Variants in FHIT observed in about 807,000 individuals in gnomAD.
FHIT encodes the protein fragile histidine triad diadenosine triphosphatase.
FHIT carries 19 observed loss-of-function variants against 17.9 expected under a neutral mutation model. The observed-to-expected ratio is 1.06, with a 90% CI of 0.74 to 1.56. FHIT has a LOEUF of 1.56. Ranked by LOEUF, FHIT falls within the 40% of genes most tolerant of loss-of-function variation. The probability of loss-of-function intolerance (pLI) is 0.00; values close to 1 mark genes in which losing one functional copy is unlikely to be tolerated. For missense variants in FHIT, 248 were observed against 189.2 expected (o/e 1.31, Z -1.82); for synonymous variants, 81 against 69.7 (o/e 1.16, Z -0.81).
intron 5 of FHIT, among the ~76,000 whole-genome samples, chr3:60,170,478 G>C (rs1701368948): frequency 6.6e-6 from 1 of 152,134 alleles, no homozygotes; most frequent in Non-Finnish European, 1.5e-5. Flanking sequence ...TAAATGTGAA[G>C]AAATCATTCT....
intron 5 of FHIT, among the ~76,000 whole-genome samples, chr3:60,386,550 G>A (rs1045310611): frequency 1.3e-5 from 2 of 152,092 alleles, no homozygotes; most frequent in African/African-American, 4.8e-5. Context: ...ATACCCAGAG[G>A]ACAAGGTTTG....
intron 5 of FHIT, among the ~76,000 whole-genome samples, chr3:60,223,331 A>T (rs1704047589): frequency 6.6e-6 from 1 of 152,196 alleles, no homozygotes; most frequent in African/African-American, 2.4e-5. Flanking sequence ...TCACATAGCT[A>T]GCAAAAGGCA....
At chr3:60,995,059 G>T (rs1016542839) in intron 3 of FHIT, among the ~76,000 whole-genome samples, 3 of 152,146 alleles carry the variant, frequency 2.0e-5, no homozygotes, top group African/African-American at 7.2e-5. Context: ...GGTGGCTCAC[G>T]CCTGTAATCC....
chr3:60,627,027 C>T (rs1351798385), intron 4 of FHIT, among the ~76,000 whole-genome samples: 2 of 151,952 alleles, frequency 1.3e-5, no homozygotes, highest in African/African-American at 4.8e-5. Context: ...AATGATCTTG[C>T]ATTTCTGGGA....
Position 60,595,797 on chromosome 3 carries a change from C to T in FHIT, c.-17-58818G>A, listed in dbSNP as rs571605297. ...TAGCTGTAACTACAGGCATGCACCG[C>T]CATGCCTGGCTAATTTTTTTTTAAG... On this transcript the variant is annotated intron_variant, in intron 4 of 9. Transcript: ENST00000492590. 1.1e-3 allele frequency among the ~76,000 whole-genome samples: 163 copies of T among 151,170 alleles called. 1 individual carries two copies. The highest frequency in any genetic ancestry group is 3.8e-3 in the African/African-American group (159 of 41,462).
At chr3:60,942,185 T>C (rs1286050126) in intron 3 of FHIT, among the ~76,000 whole-genome samples, 2 of 152,222 alleles carry the variant, frequency 1.3e-5, no homozygotes, top group African/African-American at 2.4e-5. Flanking sequence ...GGTTTCACCA[T>C]GTTGGCCAGG....
chr3:60,067,218 T>G (rs558003613), intron 5 of FHIT, among the ~76,000 whole-genome samples: 1 of 152,222 alleles, frequency 6.6e-6, no homozygotes, highest in South Asian at 2.1e-4. Context: ...AGGGGAAATA[T>G]CTAAAAAATG....
At chr3:60,926,965 C>T (rs539095865) in intron 3 of FHIT, among the ~76,000 whole-genome samples, 2 of 152,224 alleles carry the variant, frequency 1.3e-5, no homozygotes, top group South Asian at 2.1e-4. Context: ...CTCCCTCTCC[C>T]TCTCCCTTTC....
chr3:60,374,707 A>C (rs921781423), intron 5 of FHIT, among the ~76,000 whole-genome samples: 2 of 151,846 alleles, frequency 1.3e-5, no homozygotes, highest in Non-Finnish European at 2.9e-5. Flanking sequence ...TGATTTTAAA[A>C]CCTGTGCAGC....
chr3:60,149,786 C>T (rs558052968), intron 5 of FHIT, among the ~76,000 whole-genome samples: 1 of 151,432 alleles, frequency 6.6e-6, no homozygotes. Context: ...CCCCTACCCC[C>T]CTACCCCCCT....
chr3:60,606,222 C>T (rs1447082120), intron 4 of FHIT, among the ~76,000 whole-genome samples: 1 of 151,804 alleles, frequency 6.6e-6, no homozygotes, highest in Non-Finnish European at 1.5e-5. Context: ...TTCCTCAGTC[C>T]CTATTCCCTC....
intron 3 of FHIT, among the ~76,000 whole-genome samples, chr3:60,911,580 C>A (rs1316908728): frequency 6.6e-6 from 1 of 152,214 alleles, no homozygotes; most frequent in Non-Finnish European, 1.5e-5. Flanking sequence ...GTTGTGGCCC[C>A]ACCAAGCACT....
chr3:60,385,969 A>G (rs904096232), intron 5 of FHIT, among the ~76,000 whole-genome samples: 2 of 152,308 alleles, frequency 1.3e-5, no homozygotes, highest in South Asian at 4.1e-4. Context: ...AGGTGAAATA[A>G]TAGAAATAAC....
chr3:60,090,785 C>G (rs1703698739), intron 5 of FHIT, among the ~76,000 whole-genome samples: 1 of 152,152 alleles, frequency 6.6e-6, no homozygotes. Flanking sequence ...AAACATACAT[C>G]TAAGGAGACA....
At chr3:60,301,999 T>C (rs898313047) in intron 5 of FHIT, among the ~76,000 whole-genome samples, 2 of 152,186 alleles carry the variant, frequency 1.3e-5, no homozygotes, top group African/African-American at 4.8e-5. Flanking sequence ...AATACCCATA[T>C]TGACTAAATA....
At chr3:60,279,828 A>G (rs761370759) in intron 5 of FHIT, among the ~76,000 whole-genome samples, 41 of 152,110 alleles carry the variant, frequency 2.7e-4, no homozygotes, top group Non-Finnish European at 5.0e-4. Context: ...TCAGGAGATC[A>G]AGACCATCCT....
chr3:60,567,105 A>T (rs1262566208), intron 4 of FHIT, among the ~76,000 whole-genome samples: 4 of 151,710 alleles, frequency 2.6e-5, no homozygotes, highest in African/African-American at 7.3e-5. Flanking sequence ...ATTGGAAAAA[A>T]CTACTTTAAA....
At chr3:59,953,472 C>T (rs1707227836) in intron 7 of FHIT, among the ~76,000 whole-genome samples, 2 of 152,134 alleles carry the variant, frequency 1.3e-5, no homozygotes, top group South Asian at 2.1e-4. Context: ...CCAGGTATGC[C>T]AGCGCTGCCC....
rs560197122 is a variant in FHIT, at chr3:60,708,697, C to T, written c.-18+113222G>A. Reference sequence around the variant, plus strand: ...GGAGCCAATTAATGAGGACATACCACTTTTAATCCATCACTTTGCAATATA... The same window carrying T: ...GGAGCCAATTAATGAGGACATACCATTTTTAATCCATCACTTTGCAATATA... On this transcript the variant is annotated intron_variant, in intron 4 of 9. Coordinates refer to ENST00000492590, the MANE Select transcript of FHIT (RefSeq NM_002012.4). Among the ~76,000 whole-genome samples the T allele has an allele frequency of 4.6e-5, 7 of 152,288 alleles. No homozygotes were observed. In the South Asian group the frequency reaches 1.5e-3, roughly 32 times the overall value.
Sources: gnomAD v4.1 joint callset for allele counts (sites outside exome capture counted in the v4.1 genomes callset) on GRCh38, gnomAD v4.1.1 for gene constraint, MANE v1.5 for transcripts, NCBI Gene and HGNC (gene_info 2026-07-23, HGNC 2026-07-21) for gene names.